The following PRKD1 variants were observed in gnomAD, a reference collection of about 807,000 sequenced individuals.
The protein encoded by PRKD1 is protein kinase D1, also known as serine/threonine-protein kinase D1.
Under a neutral mutation model 95.9 loss-of-function variants are expected in PRKD1, and 63 were observed. The ratio of observed to expected loss-of-function variants is 0.66; its 90% CI spans 0.54 to 0.81. PRKD1 has a LOEUF of 0.81. Among genes scored for constraint, PRKD1 ranks in the 30% least tolerant of loss-of-function variants. PRKD1 has a pLI of 0.00. For missense variants in PRKD1, 1,048 were observed against 1,165.3 expected (o/e 0.90, Z 1.47); for synonymous variants, 425 against 423.1 (o/e 1.00, Z -0.05).
At chr14:29,738,809 C>T (rs530264533) in intron 1 of PRKD1, among the ~76,000 whole-genome samples, 1 of 150,706 alleles carries the variant, frequency 6.6e-6, no homozygotes, top group East Asian at 2.0e-4. Flanking sequence ...TTCTTTCTCT[C>T]TGTCTCTCTC....
intron 1 of PRKD1, among the ~76,000 whole-genome samples, chr14:29,801,772 T>A (rs1890041495): frequency 6.6e-6 from 1 of 152,144 alleles, no homozygotes; most frequent in Non-Finnish European, 1.5e-5. Context: ...CATCGCAACC[T>A]CCGCCTCCCA....
intron 16 of PRKD1, among the ~76,000 whole-genome samples, chr14:29,586,925 C>A (rs4981708): frequency 6.4e-3 from 967 of 152,194 alleles, no homozygotes; most frequent in Non-Finnish European, 0.01. Flanking sequence ...GTGCCCAGCC[C>A]ACTTTACTCT....
intron 1 of PRKD1, among the ~76,000 whole-genome samples, chr14:29,922,058 T>C (rs1239581962): frequency 6.6e-6 from 1 of 152,150 alleles, no homozygotes; most frequent in East Asian, 1.9e-4. Context: ...AGAGTTTCTC[T>C]TGGGAGGCCA....
chr14:29,674,580 T>C (rs1040345336), intron 2 of PRKD1, among the ~76,000 whole-genome samples: 1 of 152,148 alleles, frequency 6.6e-6, no homozygotes, highest in African/African-American at 2.4e-5. Flanking sequence ...TGGAGTCAAA[T>C]TCTAGCTAAT....
chr14:29,662,261 T>TA (rs1033479666), intron 4 of PRKD1, among the ~76,000 whole-genome samples: 4 of 152,174 alleles, frequency 2.6e-5, no homozygotes, highest in African/African-American at 9.6e-5. Flanking sequence ...CAGCTATGCT[T>TA]AAAAGCAAGA....
intron 2 of PRKD1, among the ~76,000 whole-genome samples, chr14:29,686,754 T>C (rs997388514): frequency 6.6e-6 from 1 of 152,240 alleles, no homozygotes; most frequent in African/African-American, 2.4e-5. Context: ...CATTACTTGC[T>C]TAATGAAACG....
At chr14:29,852,274 C>A (rs942670622) in intron 1 of PRKD1, among the ~76,000 whole-genome samples, 4 of 151,714 alleles carry the variant, frequency 2.6e-5, no homozygotes, top group African/African-American at 9.7e-5. Flanking sequence ...ATGAAAATAT[C>A]AATAAAGAGG....
intron 1 of PRKD1, among the ~76,000 whole-genome samples, chr14:29,808,616 T>C (rs1890348805): frequency 6.6e-6 from 1 of 151,882 alleles, no homozygotes; most frequent in Non-Finnish European, 1.5e-5. Flanking sequence ...GCCAGGCTGA[T>C]CTCGAACTCC....
At chr14:29,590,952 T>G (rs1443915209) in intron 16 of PRKD1, among the ~76,000 whole-genome samples, 1 of 152,106 alleles carries the variant, frequency 6.6e-6, no homozygotes, top group Non-Finnish European at 1.5e-5. Context: ...CTAATTTCTG[T>G]TATTTTCAGT....
In PRKD1 at chr14:29,577,003, A is replaced by G; in HGVS notation, c.*235T>C. 1 of 559,594 alleles carries G rather than the reference A, an allele frequency of 1.8e-6. No individual in the cohort carries two copies. The highest frequency in any genetic ancestry group is 3.2e-6 in the Non-Finnish European group (1 of 312,236). The allele number at this position is 559,594 out of a possible 1,614,324, so 34.7% of individuals were successfully genotyped here. On this transcript the variant is annotated 3_prime_UTR_variant, in exon 18 of 18. Transcript: ENST00000331968. ...TTAAATATAACATGAATCATTCACA[A>G]TAACAAGTTTCGTGTTTCAGGGAAC...
chr14:29,623,099 ATTAG>A (rs1403481538), intron 13 of PRKD1, among the ~76,000 whole-genome samples: 4 of 152,208 alleles, frequency 2.6e-5, no homozygotes, highest in Admixed American at 6.5e-5. Flanking sequence ...GAATCCATTA[ATTAG>A]TATCTTCACA....
At chr14:29,835,141 G>A (rs1000473318) in intron 1 of PRKD1, among the ~76,000 whole-genome samples, 5 of 147,836 alleles carry the variant, frequency 3.4e-5, no homozygotes, top group African/African-American at 7.8e-5. Context: ...TACTCATGCT[G>A]TGAATGCTGT....
chr14:29,822,146 G>A (rs1890938524), intron 1 of PRKD1, among the ~76,000 whole-genome samples: 1 of 152,110 alleles, frequency 6.6e-6, no homozygotes, highest in Admixed American at 6.5e-5. Context: ...AGGTCACTAT[G>A]GAAAGCAATC....
intron 13 of PRKD1, among the ~76,000 whole-genome samples, chr14:29,618,831 A>G (rs1428244424): frequency 6.6e-6 from 1 of 152,134 alleles, no homozygotes; most frequent in Non-Finnish European, 1.5e-5. Context: ...CTATTTACAC[A>G]ACTTTGAAGT....
At chr14:29,766,382 A>C (rs1417112996) in intron 1 of PRKD1, among the ~76,000 whole-genome samples, 1 of 152,186 alleles carries the variant, frequency 6.6e-6, no homozygotes, top group African/African-American at 2.4e-5. Context: ...TATTCAAGGA[A>C]CAGGGAAATA....
intron 1 of PRKD1, among the ~76,000 whole-genome samples, chr14:29,750,758 G>A (rs562359702): frequency 4.6e-4 from 70 of 152,118 alleles, no homozygotes; most frequent in African/African-American, 1.5e-3. Flanking sequence ...GTCCTGGCTG[G>A]GAATTGACTC....
intron 1 of PRKD1, among the ~76,000 whole-genome samples, chr14:29,754,621 A>T (rs1376391658): frequency 6.6e-6 from 1 of 152,138 alleles, no homozygotes; most frequent in East Asian, 1.9e-4. Flanking sequence ...TTTATCATAT[A>T]TAAATTTTTC....
At chr14:29,828,403 A>G (rs1429188732) in intron 1 of PRKD1, among the ~76,000 whole-genome samples, 2 of 151,922 alleles carry the variant, frequency 1.3e-5, no homozygotes, top group East Asian at 1.9e-4. Context: ...CCATGAGGAT[A>G]GCACCAAGCA....
intron 2 of PRKD1, among the ~76,000 whole-genome samples, chr14:29,667,274 CT>C (rs1372894311): frequency 1.3e-5 from 2 of 152,156 alleles, no homozygotes; most frequent in Non-Finnish European, 2.9e-5. Flanking sequence ...GACAGTCTGT[CT>C]GATGATGACT....
Sources: gnomAD v4.1 joint callset for allele counts (sites outside exome capture counted in the v4.1 genomes callset) on GRCh38, gnomAD v4.1.1 for gene constraint, MANE v1.5 for transcripts, NCBI Gene and HGNC (gene_info 2026-07-23, HGNC 2026-07-21) for gene names.